The following COL16A1 variants were observed in gnomAD, a reference collection of about 807,000 sequenced individuals.
The protein encoded by COL16A1 is collagen alpha-1(XVI) chain.
COL16A1 carries 189 observed loss-of-function variants against 266.3 expected under a neutral mutation model. The ratio of observed to expected loss-of-function variants is 0.71; its 90% CI spans 0.63 to 0.80. The LOEUF (loss-of-function observed/expected upper bound fraction) is 0.80. Ranked by LOEUF, COL16A1 falls within the 30% of genes least tolerant of loss-of-function variation. The pLI is 0.00. For missense variants in COL16A1, 1,928 were observed against 2,122.4 expected (o/e 0.91, Z 1.80); for synonymous variants, 740 against 782.3 (o/e 0.95, Z 0.90).
Position 31,685,668 on chromosome 1 carries a change from GCCCAGGTTCC to G in COL16A1, c.1977_1986del (p.Glu660LeufsTer18), listed in dbSNP as rs1338558613. 6.2e-7 allele frequency: 1 copy of G among 1,613,854 alleles called. No individual in the cohort carries two copies. Among genetic ancestry groups the G allele is most frequent in the Non-Finnish European group, 8.5e-7 (1 of 1,180,008 alleles). On this transcript the variant is annotated frameshift_variant, in exon 29 of 71. Transcript: ENST00000373672. LOFTEE classifies it high-confidence loss of function. The surrounding 1 kb of genome is among the most constrained non-coding windows in gnomAD (Gnocchi z 4.0). The stretch of plus-strand genomic sequence containing the variant: ...TTTCCTGGCAAGCCAAAGCCTGGAG[GCCCAGGTTCC>G]CCCTTCTCTCCGGATGGGCCAGGCA...
intron 23 of COL16A1, 110 bp from the exon 24 acceptor site, chr1:31,689,195 C>G: frequency 5.2e-6 from 8 of 1,551,360 alleles, no homozygotes; most frequent in Non-Finnish European, 7.0e-6. Context: ...GTCCAAACAC[C>G]TAGGGGTCCC....
chr1:31,695,944 T>C, intron 9 of COL16A1, 144 bp downstream of exon 9: 1 of 982,836 alleles, frequency 1.0e-6, no homozygotes, highest in South Asian at 1.4e-5. Context: ...TGATCAGAGC[T>C]GGCACCTACA....
At chr1:31,659,487 T>G (rs568296638) in intron 62 of COL16A1, among the ~76,000 whole-genome samples, 1 of 152,208 alleles carries the variant, frequency 6.6e-6, no homozygotes, top group East Asian at 1.9e-4. Context: ...ACCCAGACAG[T>G]CCCTGCTGCT....
rs933609329 is a variant in COL16A1 at position 31,664,705 on chromosome 1, T to C, written c.3555+467A>G. Among the ~76,000 whole-genome samples the C allele has an allele frequency of 1.3e-5, 2 of 152,132 alleles. No individual in the cohort carries two copies. The highest frequency in any genetic ancestry group is 4.8e-5 in the African/African-American group (2 of 41,440). Reference sequence around the variant, plus strand: ...GCCACCCCTGCCCTCTCTGGGCCCTTGGGGACAACTGGAGCACGGCTACCC... The same window carrying C: ...GCCACCCCTGCCCTCTCTGGGCCCTCGGGGACAACTGGAGCACGGCTACCC... On this transcript the variant is annotated intron_variant, in intron 56 of 70. Transcript: ENST00000373672. The surrounding 1 kb of genome is among the most constrained non-coding windows in gnomAD (Gnocchi z 5.5).
At chr1:31,683,779 G>A (rs753890182) in intron 33 of COL16A1, 31 bp from the exon 34 acceptor site, 40 of 1,613,896 alleles carry the variant, frequency 2.5e-5, no homozygotes, top group Middle Eastern at 3.3e-4. Context: ...TCCCTGGCTC[G>A]AGGTTCCCCA....
chr1:31,701,971 A>C, intron 2 of COL16A1, 150 bp downstream of exon 2: 1 of 1,186,694 alleles, frequency 8.4e-7, no homozygotes, highest in Non-Finnish European at 1.2e-6. Context: ...AAGGGTGCCA[A>C]CACCTCAGAT....
intron 14 of COL16A1, 33 bp from the exon 15 acceptor site, chr1:31,692,675 G>A: frequency 1.2e-6 from 2 of 1,614,034 alleles, no homozygotes; most frequent in Non-Finnish European, 1.7e-6. Context: ...GAGAGGGGCA[G>A]AGGGTCACCT....
intron 1 of COL16A1, among the ~76,000 whole-genome samples, chr1:31,703,229 G>A (rs535605248): frequency 6.3e-4 from 96 of 152,292 alleles, no homozygotes; most frequent in Non-Finnish European, 1.1e-3. Flanking sequence ...AGGTCTTCCT[G>A]TTGGGAAGTT....
chr1:31,686,106 G>A lies in COL16A1; in HGVS notation c.1869C>T (p.Gly623=). The A allele has an allele frequency of 6.2e-7, 1 of 1,614,088 alleles. No homozygotes were observed. The highest frequency in any genetic ancestry group is 8.5e-7 in the Non-Finnish European group (1 of 1,180,014). ...PGPPGPVGPA[G]IKGAKGEPCE... The stretch of plus-strand genomic sequence containing the variant: ...CCAGACTCACCTTCGCCCCTTTGAT[G>A]CCTGCTGGCCCCACTGGTCCTGGTG... Residue 623 remains glycine (G), a synonymous_variant, in exon 28 of 71, where the codon GGC becomes GGT. Coordinates refer to ENST00000373672, the MANE Select transcript of COL16A1 (RefSeq NM_001856.4).
At chr1:31,690,666 A>C in intron 20 of COL16A1, 93 bp from the exon 21 acceptor site, 1 of 1,529,662 alleles carries the variant, frequency 6.5e-7, no homozygotes. Context: ...CTGTGATGGC[A>C]GAACAATCGT....
chr1:31,665,520 C>A, intron 55 of COL16A1, 63 bp downstream of exon 55: 2 of 1,613,652 alleles, frequency 1.2e-6, no homozygotes, highest in South Asian at 2.2e-5. Context: ...CTGGCCTGGT[C>A]AGGCCTGCCC....
At position 31,698,706 on chromosome 1, in the gene COL16A1, C is replaced by A; in HGVS notation, c.267-100G>T. On this transcript the variant is annotated intron_variant, in intron 4 of 70. Coordinates refer to ENST00000373672, the MANE Select transcript of COL16A1 (RefSeq NM_001856.4). The surrounding 1 kb of genome is among the most constrained non-coding windows in gnomAD (Gnocchi z 4.1). ...CTGCTGAGCCTACCCAAGACATCCA[C>A]AGGCACACATCTTCCATCATATACA... is the stretch of plus-strand genomic sequence containing the variant. 6.5e-7 allele frequency: 1 copy of A among 1,530,498 alleles called. No individual in the cohort carries two copies. Among genetic ancestry groups the A allele is most frequent in the Non-Finnish European group, 8.8e-7 (1 of 1,139,890 alleles). 94.8% of individuals were successfully genotyped at this position (1,530,498 alleles called of 1,614,324 possible).
chr1:31,692,865 G>T, intron 13 of COL16A1, 57 bp from the exon 14 acceptor site: 1 of 1,528,020 alleles, frequency 6.5e-7, no homozygotes, highest in Non-Finnish European at 9.1e-7. Context: ...TCCCCTAGAT[G>T]TGTTGTGAGG....
intron 64 of COL16A1, among the ~76,000 whole-genome samples, chr1:31,658,106 G>C (rs1641326652): frequency 6.6e-6 from 1 of 152,326 alleles, no homozygotes; most frequent in African/African-American, 2.4e-5. Context: ...ACCAAGTCCT[G>C]GTTTCCGAGG....
Position 31,684,539 on chromosome 1 carries a change from C to A in COL16A1, c.2144G>T (p.Gly715Val). 1 of 1,612,876 alleles carries A rather than the reference C, an allele frequency of 6.2e-7. No individual in the cohort carries two copies. Among genetic ancestry groups the A allele is most frequent in the Non-Finnish European group, 8.5e-7 (1 of 1,179,624 alleles). ...SGEPGVQGPA[G>V]PKGEKGDGCT... ...CTGACTAACCTTTTCTCCTTTTGGC[C>A]CCGCGGGGCCCTGAACTCCAGGCTC... Residue 715 changes from glycine (G) to valine (V), a missense_variant, in exon 31 of 71, where the codon GGG (glycine) becomes GTG (valine). Gly to Val is a moderately radical substitution (Grantham distance 109). This residue lies in a region of COL16A1 where 1,552 missense variants were observed against 1,637.2 expected (regional missense o/e 0.95). Coordinates refer to ENST00000373672, the MANE Select transcript of COL16A1 (RefSeq NM_001856.4).
chr1:31,686,004 G>A, intron 28 of COL16A1, 87 bp downstream of exon 28: 1 of 1,576,110 alleles, frequency 6.3e-7, no homozygotes, highest in Admixed American at 1.7e-5. Flanking sequence ...ACAGCAAGGA[G>A]CCCCAGAGGG....
In COL16A1 at chr1:31,661,075, A is replaced by G; in HGVS notation, c.3816T>C (p.Pro1272=). 2 of 1,565,354 alleles carry G rather than the reference A, an allele frequency of 1.3e-6. No homozygotes were observed. Among genetic ancestry groups the G allele is most frequent in the Non-Finnish European group, 1.7e-6 (2 of 1,153,932 alleles). The stretch of plus-strand genomic sequence containing the variant: ...GATCCCTGGCCCTCACCTCTGCGCC[A>G]GGCCGGCCAGTGCTGCCAGGGGGAC... ...KPGPPGSTGR[P]GAEGEPGAMG... Residue 1272 remains proline (P), a synonymous_variant, in exon 61 of 71, where the codon CCT becomes CCC. Coordinates refer to ENST00000373672, the MANE Select transcript of COL16A1 (RefSeq NM_001856.4).
Position 31,685,520 on chromosome 1 carries a change from C to A in COL16A1, c.2016+119G>T. 8.2e-7 allele frequency: 1 copy of A among 1,213,832 alleles called. No individual in the cohort carries two copies. The highest frequency in any genetic ancestry group is 1.2e-6 in the Non-Finnish European group (1 of 861,622). The allele number at this position is 1,213,832 out of a possible 1,614,324, so 75.2% of individuals were successfully genotyped here. On this transcript the variant is annotated intron_variant, in intron 29 of 70. Coordinates refer to ENST00000373672, the MANE Select transcript of COL16A1 (RefSeq NM_001856.4). The surrounding 1 kb of genome is among the most constrained non-coding windows in gnomAD (Gnocchi z 4.0). ...GGAGACAGAGGCTCTGACCCCGCCA[C>A]ACCCTCCCCACTACCCCCAACTGCC...
At chr1:31,689,021 G>A in intron 24 of COL16A1, 29 bp downstream of exon 24, 1 of 1,614,018 alleles carries the variant, frequency 6.2e-7, no homozygotes, top group Non-Finnish European at 8.5e-7. Flanking sequence ...AGGCAGAGGA[G>A]GGCAGCCAGG....
Sources: allele counts gnomAD v4.1 joint callset (sites outside exome capture counted in the v4.1 genomes callset), GRCh38; gene constraint gnomAD v4.1.1; regional missense constraint gnomAD v4.1.1; non-coding constraint Gnocchi (gnomAD v3.1); transcripts MANE v1.5; gene names NCBI Gene and HGNC (gene_info 2026-07-23, HGNC 2026-07-21).